Variants in SPIDR observed in about 807,000 individuals in gnomAD.
The protein encoded by SPIDR is DNA repair-scaffolding protein.
In SPIDR, 93 loss-of-function variants were observed where a neutral mutation model predicts 104.6. The ratio of observed to expected loss-of-function variants is 0.89; its 90% CI spans 0.75 to 1.06. The LOEUF is 1.06. SPIDR is among the 50% of genes least tolerant of loss of function. The probability of loss-of-function intolerance (pLI) is 0.00; values close to 1 mark genes in which losing one functional copy is unlikely to be tolerated. For synonymous variants in SPIDR, 431 were observed against 416.9 expected (o/e 1.03, Z -0.41); for missense variants, 1,154 against 1,111.2 (o/e 1.04, Z -0.55).
chr8:47,709,840 C>T (rs867041345), intron 14 of SPIDR, among the ~76,000 whole-genome samples: 1 of 151,980 alleles, frequency 6.6e-6, no homozygotes, highest in African/African-American at 2.4e-5. Flanking sequence ...AACCTCCAAC[C>T]TCAGATAATC....
chr8:47,379,290 C>T (rs1554644151), intron 5 of SPIDR, among the ~76,000 whole-genome samples: 1 of 152,216 alleles, frequency 6.6e-6, no homozygotes. Context: ...TGGCTCACGC[C>T]TGTAATCCTA....
chr8:47,436,577 G>A (rs2068362225), intron 7 of SPIDR, among the ~76,000 whole-genome samples: 1 of 152,016 alleles, frequency 6.6e-6, no homozygotes, highest in Non-Finnish European at 1.5e-5. Flanking sequence ...AAGAAAATTA[G>A]CTGGATGTTA....
intron 5 of SPIDR, among the ~76,000 whole-genome samples, chr8:47,328,950 A>C (rs1366917586): frequency 1.3e-5 from 2 of 151,946 alleles, no homozygotes; most frequent in Non-Finnish European, 2.9e-5. Flanking sequence ...TCTGTTGCAC[A>C]GGCTAGAGTG....
At chr8:47,483,494 G>T (rs2077151349) in intron 8 of SPIDR, among the ~76,000 whole-genome samples, 1 of 152,140 alleles carries the variant, frequency 6.6e-6, no homozygotes, top group Non-Finnish European at 1.5e-5. Flanking sequence ...CCTTTGAGGT[G>T]ACTGTATTCC....
At chr8:47,336,640 G>A (rs924506880) in intron 5 of SPIDR, among the ~76,000 whole-genome samples, 1 of 152,274 alleles carries the variant, frequency 6.6e-6, no homozygotes, top group East Asian at 1.9e-4. Context: ...CATTTCCTGA[G>A]GAAGAAACTC....
intron 8 of SPIDR, among the ~76,000 whole-genome samples, chr8:47,564,072 C>CTTTT (rs869220760): frequency 7.4e-3 from 569 of 76,858 alleles, no homozygotes; most frequent in African/African-American, 8.5e-3. Context: ...TTTTTCTTTT[C>CTTTT]TTTTTTTTTT....
At chr8:47,441,823 G>A (rs1170883203) in intron 8 of SPIDR, among the ~76,000 whole-genome samples, 8 of 151,986 alleles carry the variant, frequency 5.3e-5, no homozygotes, top group African/African-American at 1.9e-4. Flanking sequence ...TATCTTTATG[G>A]GTAATATGTG....
intron 5 of SPIDR, among the ~76,000 whole-genome samples, chr8:47,383,768 G>C (rs1163510511): frequency 6.6e-6 from 1 of 152,150 alleles, no homozygotes; most frequent in Non-Finnish European, 1.5e-5. Flanking sequence ...TTATGCTTTA[G>C]AAAATTATTT....
At chr8:47,598,718 C>T (rs1437449865) in intron 9 of SPIDR, among the ~76,000 whole-genome samples, 1 of 152,156 alleles carries the variant, frequency 6.6e-6, no homozygotes, top group Non-Finnish European at 1.5e-5. Flanking sequence ...CTGCTGTGGT[C>T]CTTGTTCTTT....
intron 6 of SPIDR, among the ~76,000 whole-genome samples, chr8:47,401,479 A>T (rs2061878554): frequency 6.6e-6 from 1 of 152,176 alleles, no homozygotes; most frequent in South Asian, 2.1e-4. Flanking sequence ...TTCACACATA[A>T]CAATATAAAC....
chr8:47,454,357 C>G (rs1339969988), intron 8 of SPIDR, among the ~76,000 whole-genome samples: 3 of 152,156 alleles, frequency 2.0e-5, no homozygotes, highest in Admixed American at 1.3e-4. Flanking sequence ...AGCCATCATT[C>G]TCAGCAAACT....
chr8:47,591,495 A>G (rs2061007441), intron 8 of SPIDR, among the ~76,000 whole-genome samples: 1 of 151,930 alleles, frequency 6.6e-6, no homozygotes, highest in South Asian at 2.1e-4. Flanking sequence ...TTACTAAAAC[A>G]TAAGATTTGC....
At chr8:47,525,335 T>C (rs2084807751) in intron 8 of SPIDR, among the ~76,000 whole-genome samples, 1 of 152,198 alleles carries the variant, frequency 6.6e-6, no homozygotes, top group African/African-American at 2.4e-5. Context: ...TTTACCAGAA[T>C]AGGAGCCTGG....
rs752486908 is a variant in SPIDR at position 47,729,005 on chromosome 8, C to T, written c.2508C>T (p.Phe836=). The change falls in exon 18 of 20, where the codon TTC becomes TTT. Residue 836 remains phenylalanine, a synonymous_variant. Transcript: ENST00000297423. The part of the protein sequence containing the change: ...SPVLKRHLQV[F]LDCRSRPQCR... ...TTCTCAAGAGGCACCTGCAGGTCTT[C>T]CTGGACTGCCGCTCAAGACCGCAGT... The T allele has an allele frequency of 2.4e-5, 39 of 1,613,880 alleles. No individual in the cohort carries two copies. The Middle Eastern group carries it at 4.9e-4, about 20-fold the overall frequency.
chr8:47,297,716 T>C (rs2041156823), intron 5 of SPIDR, among the ~76,000 whole-genome samples: 1 of 152,174 alleles, frequency 6.6e-6, no homozygotes, highest in Non-Finnish European at 1.5e-5. Flanking sequence ...TGTTTGGTTT[T>C]TTGTCCTTGT....
At chr8:47,500,210 A>G (rs1363755280) in intron 8 of SPIDR, among the ~76,000 whole-genome samples, 1 of 152,192 alleles carries the variant, frequency 6.6e-6, no homozygotes, top group East Asian at 1.9e-4. Flanking sequence ...TCCCTGAGGA[A>G]TCGCCACACT....
At chr8:47,476,368 A>G (rs2076296418) in intron 8 of SPIDR, among the ~76,000 whole-genome samples, 1 of 152,156 alleles carries the variant, frequency 6.6e-6, no homozygotes, top group African/African-American at 2.4e-5. Context: ...GTGACACAGC[A>G]TTTACAGCTA....
chr8:47,362,952 C>CA (rs1237221587), intron 5 of SPIDR, among the ~76,000 whole-genome samples: 2 of 152,062 alleles, frequency 1.3e-5, no homozygotes, highest in Non-Finnish European at 1.5e-5. Context: ...CACGCCCAGC[C>CA]AGTGTTCTTT....
chr8:47,381,140 G>C (rs1587962629), intron 5 of SPIDR, among the ~76,000 whole-genome samples: 1 of 152,174 alleles, frequency 6.6e-6, no homozygotes, highest in South Asian at 2.1e-4. Context: ...TGGGGTAATA[G>C]ACCTGTGGAT....
Sources: allele counts gnomAD v4.1 joint callset (sites outside exome capture counted in the v4.1 genomes callset), GRCh38; gene constraint gnomAD v4.1.1; transcripts MANE v1.5; gene names NCBI Gene and HGNC (gene_info 2026-07-23, HGNC 2026-07-21).